The following C19orf38 variants were observed in gnomAD, a reference collection of about 807,000 sequenced individuals.
C19orf38 encodes the protein chromosome 19 open reading frame 38.
In C19orf38, 14 loss-of-function variants were observed where a neutral mutation model predicts 26.6. The observed-to-expected ratio is 0.53, with a 90% CI of 0.35 to 0.82. The LOEUF (loss-of-function observed/expected upper bound fraction) is 0.82. C19orf38 is among the 40% of genes least tolerant of loss of function. The pLI is 0.01. For synonymous variants in C19orf38, 132 were observed against 128.5 expected (o/e 1.03, Z -0.18); for missense variants, 261 against 299.5 (o/e 0.87, Z 0.95).
intron 1 of C19orf38, among the ~76,000 whole-genome samples, chr19:10,837,441 G>C (rs1184212751): frequency 1.4e-5 from 2 of 137,970 alleles, no homozygotes; most frequent in Admixed American, 7.4e-5. Context: ...ACAATTTGAA[G>C]TAACAGTGGA....
rs1276962204 is a variant in C19orf38 at position 10,850,581 on chromosome 19, A to G, written c.340+14A>G. ...TCTCCTTCCCAGGTAAGGCCCTTCTATGGGATCTCACTGCCGGGGGCTTAA... is the reference window on the plus strand; with the variant it reads ...TCTCCTTCCCAGGTAAGGCCCTTCTGTGGGATCTCACTGCCGGGGGCTTAA... On this transcript the variant is annotated intron_variant, in intron 2 of 6. Coordinates refer to ENST00000397820, the MANE Select transcript of C19orf38 (RefSeq NM_001136482.3). 26 of 1,550,786 alleles carry G rather than the reference A, an allele frequency of 1.7e-5. No homozygotes were observed. The highest frequency in any genetic ancestry group is 4.8e-5 in the South Asian group (4 of 84,050).
At chr19:10,852,217 G>A (rs992982219) in intron 2 of C19orf38, among the ~76,000 whole-genome samples, 2 of 151,684 alleles carry the variant, frequency 1.3e-5, no homozygotes, top group African/African-American at 2.4e-5. Context: ...CTCCCACCTC[G>A]GCCTCCAGAG....
At chr19:10,849,657 C>G (rs1012567089) in intron 1 of C19orf38, among the ~76,000 whole-genome samples, 1 of 151,806 alleles carries the variant, frequency 6.6e-6, no homozygotes, top group Non-Finnish European at 1.5e-5. Context: ...CCACTGTACT[C>G]CAGCCTGGGC....
At chr19:10,861,130 A>C (rs2073693998) in intron 5 of C19orf38, among the ~76,000 whole-genome samples, 1 of 152,206 alleles carries the variant, frequency 6.6e-6, no homozygotes, top group African/African-American at 2.4e-5. Flanking sequence ...TGACAGAGTG[A>C]GACTCCATCT....
At chr19:10,850,066 A>G (rs2073553647) in intron 1 of C19orf38, among the ~76,000 whole-genome samples, 193 bp from the exon 2 acceptor site, 1 of 151,436 alleles carries the variant, frequency 6.6e-6, no homozygotes, top group Non-Finnish European at 1.5e-5. Flanking sequence ...CTCACAAAAA[A>G]AAGAAAAAAG....
In C19orf38 at chr19:10,850,470, T is replaced by G; in HGVS notation, c.243T>G (p.Ala81=). ...ACCTGAGCGGCGGCAGCAGCAAGGCTCCAGGGGGACCCTTCCACTGCCAGT... is the reference window on the plus strand; with the variant it reads ...ACCTGAGCGGCGGCAGCAGCAAGGCGCCAGGGGGACCCTTCCACTGCCAGT... ...TFNLSGGSSK[A]PGGPFHCQYG... is the part of the protein sequence containing the mutation. The change falls in exon 2 of 7, where the codon GCT becomes GCG. Residue 81 remains alanine, a synonymous_variant. Transcript: ENST00000397820. The G allele has an allele frequency of 6.4e-7, 1 of 1,551,530 alleles. No homozygotes were observed. Among genetic ancestry groups the G allele is most frequent in the South Asian group, 1.2e-5 (1 of 84,048 alleles).
At chr19:10,863,266 G>C (rs2073720852) in intron 6 of C19orf38, 59 bp downstream of exon 6, 2 of 1,525,138 alleles carry the variant, frequency 1.3e-6, no homozygotes, top group East Asian at 2.5e-5. Context: ...GGGAGAACGG[G>C]GCGGGCTCAA....
intron 3 of C19orf38, among the ~76,000 whole-genome samples, chr19:10,857,355 TATATA>T (rs1568336483): frequency 1.2e-5 from 1 of 82,874 alleles, no homozygotes; most frequent in Non-Finnish European, 2.1e-5. Flanking sequence ...TATATATATA[TATATA>T]TATATATTTT....
chr19:10,841,798 T>G (rs1234975924), intron 1 of C19orf38: 1 of 1,045,614 alleles, frequency 9.6e-7, no homozygotes, highest in East Asian at 2.4e-5. Flanking sequence ...CATAGTGAGA[T>G]CCCATCTCCA....
intron 1 of C19orf38, among the ~76,000 whole-genome samples, chr19:10,840,627 T>G (rs989875005): frequency 3.3e-5 from 5 of 152,284 alleles, no homozygotes; most frequent in African/African-American, 1.2e-4. Flanking sequence ...CAAGTGATTC[T>G]TCTGCCTCAG....
intron 1 of C19orf38, among the ~76,000 whole-genome samples, chr19:10,849,767 T>C (rs886222097): frequency 6.6e-6 from 1 of 151,940 alleles, no homozygotes; most frequent in African/African-American, 2.4e-5. Context: ...ACCAATGCTA[T>C]TATTGAAAAC....
At chr19:10,840,808 C>T (rs559739437) in intron 1 of C19orf38, among the ~76,000 whole-genome samples, 14 of 152,290 alleles carry the variant, frequency 9.2e-5, no homozygotes, top group Admixed American at 3.3e-4. Flanking sequence ...TAAGCCACCG[C>T]GCCCAGCCTA....
upstream of C19orf38, among the ~76,000 whole-genome samples, chr19:10,843,849 C>G (rs563784253): frequency 3.3e-5 from 5 of 152,136 alleles, no homozygotes; most frequent in Non-Finnish European, 7.3e-5. Context: ...CTGGGCATGG[C>G]GGCTCATGCC....
At chr19:10,844,283 A>AT (rs1474008957), upstream of C19orf38, among the ~76,000 whole-genome samples, 1 of 151,608 alleles carries the variant, frequency 6.6e-6, no homozygotes, top group Non-Finnish European at 1.5e-5. Context: ...CACACGTGTA[A>AT]TCCCCGCTAC....
At chr19:10,853,838 C>T (rs903224420) in intron 2 of C19orf38, among the ~76,000 whole-genome samples, 2 of 151,086 alleles carry the variant, frequency 1.3e-5, no homozygotes, top group African/African-American at 2.4e-5. Flanking sequence ...TCTTGTGATC[C>T]GCCCACCTCA....
chr19:10,857,904 AAG>A (rs952846310), intron 3 of C19orf38, among the ~76,000 whole-genome samples: 6 of 144,224 alleles, frequency 4.2e-5, no homozygotes, highest in African/African-American at 1.3e-4. Context: ...AAAAGAAAGA[AAG>A]AAAGAAAGAA....
At chr19:10,864,517 A>G (rs1490129502) in intron 6 of C19orf38, among the ~76,000 whole-genome samples, 2 of 152,096 alleles carry the variant, frequency 1.3e-5, no homozygotes, top group Non-Finnish European at 2.9e-5. Flanking sequence ...TTTTACTGCT[A>G]TTGAGCTGGG....
chr19:10,846,332 GACTACA>G (rs1289439935), upstream of C19orf38, among the ~76,000 whole-genome samples: 3 of 151,276 alleles, frequency 2.0e-5, no homozygotes, highest in African/African-American at 7.3e-5. Flanking sequence ...GAGTAGCTGG[GACTACA>G]GGCACCCACT....
intron 4 of C19orf38, 71 bp from the exon 5 acceptor site, chr19:10,859,844 T>A (rs2073678324): frequency 7.0e-7 from 1 of 1,436,336 alleles, no homozygotes; most frequent in Admixed American, 2.0e-5. Flanking sequence ...GGGCCAGGGC[T>A]TTCCCGATCA....
Sources: allele counts gnomAD v4.1 joint callset (sites outside exome capture counted in the v4.1 genomes callset), GRCh38; gene constraint gnomAD v4.1.1; transcripts MANE v1.5; gene names NCBI Gene and HGNC (gene_info 2026-07-23, HGNC 2026-07-21).